Variants in FAM186A observed in about 807,000 individuals in gnomAD.
FAM186A encodes the protein protein FAM186A.
FAM186A carries 163 observed loss-of-function variants against 216.8 expected under a neutral mutation model. The ratio of observed to expected loss-of-function variants is 0.75; its 90% CI spans 0.66 to 0.86. The LOEUF (loss-of-function observed/expected upper bound fraction) is 0.86, where lower values mean the gene tolerates loss of function less well. FAM186A is among the 40% of genes least tolerant of loss of function. The pLI, the probability that FAM186A is intolerant of heterozygous loss-of-function variation, is 0.00. For synonymous variants in FAM186A, 805 were observed against 1,025.3 expected, an observed-to-expected ratio of 0.79 and a Z score of 4.10; for missense variants, 2,184 against 2,746.2, an observed-to-expected ratio of 0.80 and a Z score of 4.58.
At chr12:50,328,639 C>T (rs1247047670) in intron 7 of FAM186A, among the ~76,000 whole-genome samples, 1 of 152,078 alleles carries the variant, frequency 6.6e-6, no homozygotes, top group Non-Finnish European at 1.5e-5. Flanking sequence ...TCCTGAGTAG[C>T]TGGGACTACA....
chr12:50,371,548 A>G (rs980485404), intron 1 of FAM186A, among the ~76,000 whole-genome samples: 4 of 152,226 alleles, frequency 2.6e-5, no homozygotes, highest in African/African-American at 9.6e-5. Flanking sequence ...AGTCATAAAA[A>G]GACAAATACT....
chr12:50,346,220 G>GAGAAGGAAAGAAAGGAAGAAAGAAA (rs1555215373), intron 4 of FAM186A, among the ~76,000 whole-genome samples: 3 of 46,744 alleles, frequency 6.4e-5, no homozygotes, highest in Admixed American at 3.1e-4. Flanking sequence ...AGAGAGAGAA[G>GAGAAGGAAAGAAAGGAAGAAAGAAA]GAAAGAAAGA....
chr12:50,347,207 G>GAAC (rs1942828914), intron 4 of FAM186A, among the ~76,000 whole-genome samples: 1 of 152,056 alleles, frequency 6.6e-6, no homozygotes, highest in Non-Finnish European at 1.5e-5. Context: ...ATGTGTAAAG[G>GAAC]AACAACAATC....
intron 1 of FAM186A, among the ~76,000 whole-genome samples, chr12:50,384,456 G>A (rs1253321564): frequency 6.6e-6 from 1 of 152,038 alleles, no homozygotes; most frequent in African/African-American, 2.4e-5. Context: ...ACTAAAACAT[G>A]TATGGAGCCA....
chr12:50,342,698 G>A (rs1413857392), intron 4 of FAM186A, among the ~76,000 whole-genome samples: 1 of 150,524 alleles, frequency 6.6e-6, no homozygotes, highest in Non-Finnish European at 1.5e-5. Context: ...GGATGGTCTC[G>A]ATCTGATCTC....
At chr12:50,375,436 C>G (rs1304595609) in intron 1 of FAM186A, among the ~76,000 whole-genome samples, 1 of 151,462 alleles carries the variant, frequency 6.6e-6, no homozygotes, top group Non-Finnish European at 1.5e-5. Flanking sequence ...ATAATCCCAG[C>G]TACTTAGGAG....
rs1942951084 is a variant in FAM186A at position 50,354,507 on chromosome 12, G to A, written c.2325C>T (p.Ser775=). The change falls in exon 4 of 8, where the codon AGC becomes AGT. Residue 775 remains serine, a synonymous_variant. Coordinates refer to ENST00000327337, the MANE Select transcript of FAM186A (RefSeq NM_001145475.3). ...QKSPISAKSE[S]STLLSYESTD... is the part of the protein sequence containing the mutation. ...TGCTCTCATATGAGAGGAGGGTACT[G>A]CTTTCAGATTTTGCACTAATTGGTG... The A allele has an allele frequency of 6.4e-7, 1 of 1,551,592 alleles. No homozygotes were observed.
Position 50,354,441 on chromosome 12 carries a change from A to G in FAM186A, c.2391T>C (p.Ala797=). The change falls in exon 4 of 8, where the codon GCT becomes GCC. Residue 797 remains alanine (A), a synonymous_variant. Coordinates refer to ENST00000327337, the MANE Select transcript of FAM186A (RefSeq NM_001145475.3). ...GAATATCTCTTTCACTTTCTATTTC[A>G]GCCAAGATCATTTGTATTAAATTGT... The part of the protein sequence containing the change: ...VINNLIQMIL[A]EIESERDIPT... The G allele has an allele frequency of 6.4e-7, 1 of 1,551,464 alleles. No homozygotes were observed.
At chr12:50,332,574 C>T (rs1461820447) in intron 5 of FAM186A, among the ~76,000 whole-genome samples, 1 of 152,188 alleles carries the variant, frequency 6.6e-6, no homozygotes, top group Non-Finnish European at 1.5e-5. Context: ...GCCCCAGACC[C>T]TTATTCCTCC....
intron 1 of FAM186A, among the ~76,000 whole-genome samples, chr12:50,383,317 C>T (rs1263674366): frequency 8.1e-6 from 1 of 123,320 alleles, no homozygotes; most frequent in African/African-American, 2.9e-5. Context: ...CGGCTGGAAG[C>T]GGTGGCTCAC....
chr12:50,330,987 C>T (rs1222271159), intron 6 of FAM186A, among the ~76,000 whole-genome samples: 1 of 152,230 alleles, frequency 6.6e-6, no homozygotes, highest in East Asian at 1.9e-4. Context: ...CATTTTAAAA[C>T]TACCATTTTA....
chr12:50,344,497 T>G (rs572761420), intron 4 of FAM186A, among the ~76,000 whole-genome samples: 42 of 152,366 alleles, frequency 2.8e-4, no homozygotes, highest in Non-Finnish European at 7.3e-5. Flanking sequence ...ATATACCACA[T>G]TTTCTTTATC....
chr12:50,364,815 A>G (rs1177585128), intron 1 of FAM186A, among the ~76,000 whole-genome samples: 1 of 151,734 alleles, frequency 6.6e-6, no homozygotes, highest in Non-Finnish European at 1.5e-5. Flanking sequence ...AGGTGGGTGG[A>G]TCACCTGAGG....
chr12:50,359,581 C>CG (rs1565888697), intron 3 of FAM186A, among the ~76,000 whole-genome samples: 2 of 151,802 alleles, frequency 1.3e-5, no homozygotes, highest in African/African-American at 4.8e-5. Context: ...TCTACCCCCC[C>CG]AAAAAAAATG....
intron 2 of FAM186A, 104 bp from the exon 3 acceptor site, chr12:50,361,030 G>A: frequency 1.3e-6 from 1 of 781,892 alleles, no homozygotes; most frequent in South Asian, 3.1e-5. Context: ...TAATATTGGG[G>A]AATATAGGTA....
rs370987509 is a variant in FAM186A, at chr12:50,339,807, C to G, written c.6504-5704G>C. Among the ~76,000 whole-genome samples the G allele has an allele frequency of 9.3e-5, 14 of 151,202 alleles. No individual in the cohort carries two copies. The East Asian group carries it at 1.2e-3, about 13-fold the overall frequency. ...AGCTTCTTCCTGCTGCCTTTCTTTACTCTGCTACACTCTCTGACTTCTTTG... is the reference window on the plus strand; with the variant it reads ...AGCTTCTTCCTGCTGCCTTTCTTTAGTCTGCTACACTCTCTGACTTCTTTG... On this transcript the variant is annotated intron_variant, in intron 4 of 7. Coordinates refer to ENST00000327337, the MANE Select transcript of FAM186A (RefSeq NM_001145475.3).
At chr12:50,378,131 A>G (rs1464953841) in intron 1 of FAM186A, among the ~76,000 whole-genome samples, 3 of 152,004 alleles carry the variant, frequency 2.0e-5, no homozygotes, top group Non-Finnish European at 4.4e-5. Context: ...AGGCTGAGGT[A>G]AGAGAATTGC....
chr12:50,352,448 G>A lies in FAM186A; in HGVS notation c.4384C>T (p.Gln1462Ter). ...AQELGITLTP[Q>*]QAQELGIPLT... is the part of the protein sequence containing the mutation. ...GGGATCCCCAATTCCTGAGCCTGCTGAGGGGTGAGAGTGATCCCCAGCTCC... is the reference window on the plus strand; with the variant it reads ...GGGATCCCCAATTCCTGAGCCTGCTAAGGGGTGAGAGTGATCCCCAGCTCC... Residue 1462 changes from glutamine to a stop codon, truncating the protein, a stop_gained, in exon 4 of 8, where the codon CAG becomes TAG. Transcript: ENST00000327337. LOFTEE classifies it high-confidence loss of function. The A allele has an allele frequency of 6.6e-7, 1 of 1,508,800 alleles. No individual in the cohort carries two copies. Among genetic ancestry groups the A allele is most frequent in the Non-Finnish European group, 8.9e-7 (1 of 1,122,418 alleles). 93.5% of individuals were successfully genotyped at this position (1,508,800 alleles called of 1,614,324 possible).
intron 1 of FAM186A, among the ~76,000 whole-genome samples, chr12:50,370,149 C>CAAAAAAAAAAAAAAAAAAAAAAAA (rs1196590077): frequency 1.5e-5 from 1 of 64,568 alleles, no homozygotes; most frequent in African/African-American, 6.2e-5. Flanking sequence ...AAAAAAAAAG[C>CAAAAAAAAAAAAAAAAAAAAAAAA]AAAACTTAGC....
Sources: allele counts gnomAD v4.1 joint callset (sites outside exome capture counted in the v4.1 genomes callset), GRCh38; gene constraint gnomAD v4.1.1; transcripts MANE v1.5; gene names NCBI Gene and HGNC (gene_info 2026-07-23, HGNC 2026-07-21).